Variants in RILPL1 observed in about 807,000 individuals in gnomAD.
RILPL1 encodes RILP-like protein 1.
In RILPL1, 33 loss-of-function variants were observed where a neutral mutation model predicts 50.3. The observed-to-expected ratio is 0.66, with a 90% CI of 0.50 to 0.88. RILPL1 has a LOEUF of 0.88. Among genes scored for constraint, RILPL1 ranks in the 40% least tolerant of loss-of-function variants. The pLI, the probability that RILPL1 is intolerant of heterozygous loss-of-function variation, is 0.00. For missense variants in RILPL1, 418 were observed against 542.5 expected (o/e 0.77, Z 2.28); for synonymous variants, 205 against 228.6 (o/e 0.90, Z 0.93).
chr12:123,504,026 C>T (rs931197106), intron 2 of RILPL1, among the ~76,000 whole-genome samples: 3 of 149,880 alleles, frequency 2.0e-5, no homozygotes, highest in Admixed American at 1.3e-4. Flanking sequence ...AAAGAAAGAT[C>T]TGGAATGAAA....
chr12:123,498,691 C>T lies in RILPL1; in HGVS notation c.654G>A (p.Gln218=), dbSNP rs908003988. 5 of 1,613,740 alleles carry T rather than the reference C, an allele frequency of 3.1e-6. No homozygotes were observed. In the Admixed American group the frequency reaches 6.7e-5, roughly 22 times the overall value. Residue 218 remains glutamine, a synonymous_variant, in exon 4 of 7, where the codon CAG becomes CAA. Transcript: ENST00000376874. This position sits in a 1 kb window ranked among gnomAD's most constrained non-coding sequence, Gnocchi z 4.3. ...CCTTCTGTTCGATCAGGGCTTTCCC[C>T]TGGGCCTCCACCACCGTGACCCGGT... is the stretch of plus-strand genomic sequence containing the variant. ...LRHRVTVVEA[Q]GKALIEQKVE...
rs114643167 is a variant in RILPL1, at chr12:123,525,992, T to A, written c.310-2347A>T. Among the ~76,000 whole-genome samples the A allele has an allele frequency of 1.6e-3, 247 of 151,832 alleles. 2 individuals carry two copies. Among genetic ancestry groups the A allele is most frequent in the African/African-American group, 5.8e-3 (242 of 41,398 alleles). The stretch of plus-strand genomic sequence containing the variant: ...CCGTAAGCTAGCTCACAAAGCAGGG[T>A]TGCTGTTGTCTGTATAAAACAGTGG... On this transcript the variant is annotated intron_variant, in intron 1 of 6. Transcript: ENST00000376874.
chr12:123,479,289 G>A (rs1881802418), intron 6 of RILPL1, among the ~76,000 whole-genome samples: 2 of 152,228 alleles, frequency 1.3e-5, no homozygotes, highest in South Asian at 2.1e-4. Flanking sequence ...AGTACTCTAA[G>A]CTGCCGAAGC....
At position 123,485,839 on chromosome 12, in the gene RILPL1, T is replaced by C. The variant is rs1566117598; in HGVS notation, c.802-34A>G. 2 of 1,568,376 alleles carry C rather than the reference T, an allele frequency of 1.3e-6. No individual in the cohort carries two copies. Among genetic ancestry groups the C allele is most frequent in the East Asian group, 2.3e-5 (1 of 43,556 alleles). ...GGCAGAGATGCTGCTAATGAATTCT[T>C]GGCAGCCACTGCCAGCACCCACTCT... On this transcript the variant is annotated intron_variant, in intron 4 of 6. Transcript: ENST00000376874. This position sits in a 1 kb window ranked among gnomAD's most constrained non-coding sequence, Gnocchi z 4.0.
rs1255366843 is a variant in RILPL1 at position 123,471,805 on chromosome 12, C to G, written c.*733G>C. Reference sequence around the variant, plus strand: ...AGATGTCAGGAAAAAAAAGTGCACACAAGAAATGTTGCAACATCTCATCCT... The same window carrying G: ...AGATGTCAGGAAAAAAAAGTGCACAGAAGAAATGTTGCAACATCTCATCCT... On this transcript the variant is annotated 3_prime_UTR_variant, in exon 7 of 7. Transcript: ENST00000376874. 1 of 152,656 alleles carries G rather than the reference C, an allele frequency of 6.6e-6. No individual in the cohort carries two copies. The highest frequency in any genetic ancestry group is 1.9e-4 in the East Asian group (1 of 5,202). The allele number at this position is 152,656 out of a possible 1,614,324, so 9.5% of individuals were successfully genotyped here.
chr12:123,523,379 CT>C (rs1264330969), intron 2 of RILPL1, 115 bp downstream of exon 2: 2 of 1,232,196 alleles, frequency 1.6e-6, no homozygotes, highest in Admixed American at 3.7e-5. Flanking sequence ...AGGCAAAGGG[CT>C]TTGGGAATCA....
At chr12:123,511,975 T>G (rs1884303396) in intron 2 of RILPL1, among the ~76,000 whole-genome samples, 1 of 131,524 alleles carries the variant, frequency 7.6e-6, no homozygotes, top group Admixed American at 7.7e-5. Flanking sequence ...TGTGTGTGTG[T>G]GAGGTCTGTG....
chr12:123,485,783 C>G lies in RILPL1; in HGVS notation c.824G>C (p.Ser275Thr), dbSNP rs778117520. Residue 275 changes from serine to threonine, a missense_variant, in exon 5 of 7, where the codon AGC becomes ACC. Physicochemically the swap from Ser to Thr is moderately conservative, Grantham distance 58. Transcript: ENST00000376874. The surrounding 1 kb of genome is among the most constrained non-coding windows in gnomAD (Gnocchi z 4.0). ...GGCCACCTTCTCTGCGTCGGAGATG[C>G]TCTCCTCTCCCACCGGCTCCGTCTG... ...EPETEPVGEE[S>T]ISDAEKVAMD... The G allele has an allele frequency of 5.2e-5, 84 of 1,608,868 alleles. No individual in the cohort carries two copies. The highest frequency in any genetic ancestry group is 7.0e-5 in the Non-Finnish European group (82 of 1,178,012).
In RILPL1 at chr12:123,491,132, C is replaced by A. The variant is rs1309570565; in HGVS notation, c.802-5327G>T. On this transcript the variant is annotated intron_variant, in intron 4 of 6. Transcript: ENST00000376874. The surrounding 1 kb of genome is among the most constrained non-coding windows in gnomAD (Gnocchi z 4.0). ...TTCTCGAGAGGCCACCAGGCAGTGA[C>A]CGCAGGGCCACGGGCAGCCCAGGAC... 6.6e-6 allele frequency among the ~76,000 whole-genome samples: 1 copy of A among 152,222 alleles called. No homozygotes were observed. Among genetic ancestry groups the A allele is most frequent in the East Asian group, 1.9e-4 (1 of 5,196 alleles).
intron 2 of RILPL1, among the ~76,000 whole-genome samples, chr12:123,518,016 A>T (rs1350072122): frequency 6.6e-6 from 1 of 152,232 alleles, no homozygotes; most frequent in Non-Finnish European, 1.5e-5. Context: ...GAGACGCCTC[A>T]AGTAGTTAAA....
At chr12:123,519,074 AGAAAAG>A (rs1884879417) in intron 2 of RILPL1, among the ~76,000 whole-genome samples, 7 of 109,712 alleles carry the variant, frequency 6.4e-5, no homozygotes, top group African/African-American at 2.0e-4. Context: ...AAAAAAAAAA[AGAAAAG>A]AAAAAAGAAA....
chr12:123,499,103 C>T (rs1263388529), intron 3 of RILPL1, among the ~76,000 whole-genome samples: 2 of 152,178 alleles, frequency 1.3e-5, no homozygotes, highest in African/African-American at 4.8e-5. Flanking sequence ...CCTGCTAAGT[C>T]TGCTCACAGA....
chr12:123,475,996 C>G, intron 6 of RILPL1: 1 of 409,904 alleles, frequency 2.4e-6, no homozygotes, highest in Non-Finnish European at 4.5e-6. Context: ...CTCCTCCTCC[C>G]GGGTTCAAGC....
chr12:123,523,436 T>C, intron 2 of RILPL1, 59 bp downstream of exon 2: 1 of 1,603,966 alleles, frequency 6.2e-7, no homozygotes. Context: ...CAATCGCTGA[T>C]GTGGGCAATA....
intron 1 of RILPL1, among the ~76,000 whole-genome samples, chr12:123,527,328 C>CTT (rs71308020): frequency 8.2e-4 from 120 of 146,594 alleles, no homozygotes; most frequent in South Asian, 1.9e-3. Flanking sequence ...AAGACCCCAA[C>CTT]TTTTTTTTTT....
Position 123,491,961 on chromosome 12 carries a change from C to G in RILPL1, c.802-6156G>C, listed in dbSNP as rs900801725. ...GGCGGAGGTTGTGGTGAGCCAAGAT[C>G]GTGCCATTGCACTCCAGCCTGGGTG... On this transcript the variant is annotated intron_variant, in intron 4 of 6. Coordinates refer to ENST00000376874, the MANE Select transcript of RILPL1 (RefSeq NM_178314.5). The surrounding 1 kb of genome is among the most constrained non-coding windows in gnomAD (Gnocchi z 4.0). Among the ~76,000 whole-genome samples, 2 of 151,896 alleles carry G rather than the reference C, an allele frequency of 1.3e-5. No homozygotes were observed. Among genetic ancestry groups the G allele is most frequent in the Non-Finnish European group, 2.9e-5 (2 of 68,000 alleles).
intron 1 of RILPL1, among the ~76,000 whole-genome samples, chr12:123,525,301 T>C (rs1009830010): frequency 4.6e-5 from 7 of 151,904 alleles, no homozygotes; most frequent in South Asian, 2.1e-4. Context: ...CATTGCAGCC[T>C]TGAACTCCTG....
Position 123,470,907 on chromosome 12 carries a change from A to G in RILPL1, c.*1631T>C, listed in dbSNP as rs189317305. The G allele has an allele frequency of 6.6e-6, 1 of 152,166 alleles. No individual in the cohort carries two copies. The highest frequency in any genetic ancestry group is 1.5e-5 in the Non-Finnish European group (1 of 68,016). 9.4% of individuals were successfully genotyped at this position (152,166 alleles called of 1,614,324 possible). Reference sequence around the variant, plus strand: ...GAAATTCATCAGTATACCTGCTTCTATACTCTTTGAGAATAAATTCTAATA... The same window carrying G: ...GAAATTCATCAGTATACCTGCTTCTGTACTCTTTGAGAATAAATTCTAATA... On this transcript the variant is annotated 3_prime_UTR_variant, in exon 7 of 7. Transcript: ENST00000376874.
At chr12:123,525,804 C>T (rs892708259) in intron 1 of RILPL1, among the ~76,000 whole-genome samples, 7 of 151,852 alleles carry the variant, frequency 4.6e-5, no homozygotes, top group African/African-American at 1.7e-4. Context: ...CTTGGCCTCC[C>T]AAAGTGCTGG....
Sources: gnomAD v4.1 joint callset for allele counts (sites outside exome capture counted in the v4.1 genomes callset) on GRCh38, gnomAD v4.1.1 for gene constraint, Gnocchi (gnomAD v3.1) non-coding constraint, MANE v1.5 for transcripts, NCBI Gene and HGNC (gene_info 2026-07-23, HGNC 2026-07-21) for gene names.